RNF139: variants seen among roughly 807,000 people sequenced by gnomAD.
RNF139 encodes the protein E3 ubiquitin-protein ligase RNF139.
In RNF139, 15 loss-of-function variants were observed where a neutral mutation model predicts 49.5. The observed-to-expected ratio is 0.30, with a 90% CI of 0.20 to 0.47. The LOEUF is 0.47. Among genes scored for constraint, RNF139 ranks in the 20% least tolerant of loss-of-function variants. The probability of loss-of-function intolerance (pLI) is 1.00; values close to 1 mark genes in which losing one functional copy is unlikely to be tolerated. For synonymous variants in RNF139, 325 were observed against 300.9 expected, an observed-to-expected ratio of 1.08 and a Z score of -0.83; for missense variants, 619 against 806.3, an observed-to-expected ratio of 0.77 and a Z score of 2.81.
At chr8:124,482,236 A>G (rs546160022) in intron 1 of RNF139, among the ~76,000 whole-genome samples, 4 of 152,160 alleles carry the variant, frequency 2.6e-5, no homozygotes, top group Non-Finnish European at 5.9e-5. Flanking sequence ...TTCACTAGAA[A>G]TGTTTCTAAA....
At position 124,487,258 on chromosome 8, in the gene RNF139, G is replaced by A. The variant is rs1563632958; in HGVS notation, c.1609G>A (p.Gly537Arg). The change falls in exon 2 of 2, where the codon GGG (glycine) becomes AGG (arginine). Residue 537 changes from glycine (G) to arginine (R), a missense_variant. Transcript: ENST00000303545. ...KKINSLPEIK[G>R]SRLQEINDVC... Reference sequence around the variant, plus strand: ...AATTAATTCACTTCCTGAAATAAAAGGGAGCCGCTTACAAGAAATAAATGA... The same window carrying A: ...AATTAATTCACTTCCTGAAATAAAAAGGAGCCGCTTACAAGAAATAAATGA... 1 of 1,613,832 alleles carries A rather than the reference G, an allele frequency of 6.2e-7. No homozygotes were observed. The highest frequency in any genetic ancestry group is 2.2e-5 in the East Asian group (1 of 44,862).
chr8:124,480,917 A>G (rs533904325), intron 1 of RNF139, among the ~76,000 whole-genome samples: 11 of 151,786 alleles, frequency 7.2e-5, no homozygotes, highest in Non-Finnish European at 1.5e-4. Context: ...AAATATTAAT[A>G]TTTTTTTTAT....
intron 1 of RNF139, among the ~76,000 whole-genome samples, chr8:124,475,564 GT>G (rs940629999): frequency 3.3e-5 from 5 of 152,218 alleles, no homozygotes; most frequent in Non-Finnish European, 5.9e-5. Flanking sequence ...CTCTTTGCCC[GT>G]TTGCCTTGGG....
rs1816600655 is a variant in RNF139 at position 124,488,524 on chromosome 8, T to C, written c.*880T>C. ...TTAGACAACTTGCAGATAATTTCTT[T>C]ATTGAAACTATCAGGAAGTTTTACT... On this transcript the variant is annotated 3_prime_UTR_variant, in exon 2 of 2. Transcript: ENST00000303545. 2.6e-6 allele frequency: 2 copies of C among 775,790 alleles called. No individual in the cohort carries two copies. The highest frequency in any genetic ancestry group is 1.8e-5 in the African/African-American group (1 of 56,622). The allele number at this position is 775,790 out of a possible 1,614,324, so 48.1% of individuals were successfully genotyped here. A position where few individuals can be genotyped will look rare whatever the true frequency, so the allele number is the denominator to read the frequency against.
intron 1 of RNF139, among the ~76,000 whole-genome samples, chr8:124,485,027 G>A (rs1816505158): frequency 1.3e-5 from 2 of 152,108 alleles, no homozygotes; most frequent in Non-Finnish European, 1.5e-5. Context: ...TTAAGTGGAA[G>A]TATAAAACTT....
rs775697082 is a variant in RNF139, at chr8:124,486,357, C to T, written c.708C>T (p.Asp236=). The T allele has an allele frequency of 1.2e-6, 2 of 1,614,150 alleles. No individual in the cohort carries two copies. Among genetic ancestry groups the T allele is most frequent in the Non-Finnish European group, 1.7e-6 (2 of 1,179,984 alleles). ...EDTWKRIRFP[D]ILRVFWLTRV... ...CATGGAAGAGGATTCGTTTCCCAGA[C>T]ATACTACGAGTCTTTTGGCTAACAA... The change falls in exon 2 of 2, where the codon GAC becomes GAT. Residue 236 remains aspartate, a synonymous_variant. Transcript: ENST00000303545.
At chr8:124,485,189 C>A (rs1192848874) in intron 1 of RNF139, among the ~76,000 whole-genome samples, 3 of 152,138 alleles carry the variant, frequency 2.0e-5, no homozygotes, top group Non-Finnish European at 4.4e-5. Context: ...CATGGTGAAA[C>A]CCCGTCTCTA....
At chr8:124,478,844 C>G (rs1586521398) in intron 1 of RNF139, among the ~76,000 whole-genome samples, 2 of 150,738 alleles carry the variant, frequency 1.3e-5, no homozygotes, top group South Asian at 4.2e-4. Flanking sequence ...CTCAGCCTCC[C>G]GAGTAGCTAG....
At position 124,488,569 on chromosome 8, in the gene RNF139, A is replaced by G. The variant is rs1816604447; in HGVS notation, c.*925A>G. Reference sequence around the variant, plus strand: ...TTTACTATGAAATTTTACATACATGATGGAAAGTGGAAGACATATACCAAT... The same window carrying G: ...TTTACTATGAAATTTTACATACATGGTGGAAAGTGGAAGACATATACCAAT... On this transcript the variant is annotated 3_prime_UTR_variant, in exon 2 of 2. Transcript: ENST00000303545. 8.4e-7 allele frequency: 1 copy of G among 1,196,100 alleles called. No homozygotes were observed. 74.1% of individuals were successfully genotyped at this position (1,196,100 alleles called of 1,614,324 possible).
In RNF139 at chr8:124,486,999, T is replaced by C. The variant is rs535068199; in HGVS notation, c.1350T>C (p.Tyr450=). 2 of 1,614,100 alleles carry C rather than the reference T, an allele frequency of 1.2e-6. No individual in the cohort carries two copies. The highest frequency in any genetic ancestry group is 1.3e-5 in the African/African-American group (1 of 75,048). The part of the protein sequence containing the change: ...VYTLFMIDGY[Y]NVLWEKLDDY... ...CGTTATTCATGATTGATGGCTACTATAATGTCCTCTGGGAAAAGCTTGACG... is the reference window on the plus strand; with the variant it reads ...CGTTATTCATGATTGATGGCTACTACAATGTCCTCTGGGAAAAGCTTGACG... Residue 450 remains tyrosine (Y), a synonymous_variant, in exon 2 of 2, where the codon TAT becomes TAC. Transcript: ENST00000303545.
At chr8:124,485,749 A>G (rs1816517233) in intron 1 of RNF139, 82 bp from the exon 2 acceptor site, 1 of 1,164,234 alleles carries the variant, frequency 8.6e-7, no homozygotes. Flanking sequence ...TTTCCTAATT[A>G]AAGGAAGAAT....
intron 1 of RNF139, 58 bp downstream of exon 1, chr8:124,475,348 G>C (rs1000922223): frequency 5.1e-6 from 8 of 1,553,682 alleles, no homozygotes; most frequent in Non-Finnish European, 7.0e-6. Flanking sequence ...GACGTTCCCC[G>C]GGGAGCGGGC....
At chr8:124,478,010 G>A (rs1489369208) in intron 1 of RNF139, among the ~76,000 whole-genome samples, 1 of 152,004 alleles carries the variant, frequency 6.6e-6, no homozygotes, top group East Asian at 1.9e-4. Context: ...AGTGATTCAC[G>A]TTCCAGTAAG....
At chr8:124,482,204 G>A (rs569855090) in intron 1 of RNF139, among the ~76,000 whole-genome samples, 12 of 151,808 alleles carry the variant, frequency 7.9e-5, no homozygotes, top group African/African-American at 2.7e-4. Flanking sequence ...TGATACATTT[G>A]CATAAAGCAA....
At position 124,488,478 on chromosome 8, in the gene RNF139, G is replaced by T; in HGVS notation, c.*834G>T. On this transcript the variant is annotated 3_prime_UTR_variant, in exon 2 of 2. Transcript: ENST00000303545. ...GAAGGGGAATGGTGGGGAATGGTGTGTACCGATATATAGTATTTCTTTAGA... is the reference window on the plus strand; with the variant it reads ...GAAGGGGAATGGTGGGGAATGGTGTTTACCGATATATAGTATTTCTTTAGA... 1.7e-6 allele frequency: 1 copy of T among 592,326 alleles called. No homozygotes were observed. Among genetic ancestry groups the T allele is most frequent in the Non-Finnish European group, 3.0e-6 (1 of 333,702 alleles). The allele number at this position is 592,326 out of a possible 1,614,324, so 36.7% of individuals were successfully genotyped here.
rs767929334 is a variant in RNF139 at position 124,486,365 on chromosome 8, G to C, written c.716G>C (p.Arg239Pro). The C allele has an allele frequency of 1.9e-6, 3 of 1,613,962 alleles. No individual in the cohort carries two copies. The highest frequency in any genetic ancestry group is 1.1e-5 in the South Asian group (1 of 91,080). The change falls in exon 2 of 2, where the codon CGA becomes CCA. Residue 239 changes from arginine to proline, a missense_variant. By Grantham distance (103) the Arg-to-Pro change is moderately radical. Transcript: ENST00000303545. The part of the protein sequence containing the change: ...WKRIRFPDIL[R>P]VFWLTRVTAQ... ...AGGATTCGTTTCCCAGACATACTAC[G>C]AGTCTTTTGGCTAACAAGAGTTACA...
intron 1 of RNF139, among the ~76,000 whole-genome samples, chr8:124,480,925 T>A (rs1563630376): frequency 6.6e-6 from 1 of 152,180 alleles, no homozygotes; most frequent in Admixed American, 6.5e-5. Flanking sequence ...ATATTTTTTT[T>A]ATGATATCAC....
In RNF139 at chr8:124,487,305, T is replaced by C; in HGVS notation, c.1656T>C (p.His552=). Residue 552 remains histidine, a synonymous_variant, in exon 2 of 2, where the codon CAT becomes CAC. Transcript: ENST00000303545. Reference sequence around the variant, plus strand: ...ATGATGTATGTGCAATCTGCTATCATGAGTTTACAACATCTGCTCGTATTA... The same window carrying C: ...ATGATGTATGTGCAATCTGCTATCACGAGTTTACAACATCTGCTCGTATTA... ...EINDVCAICY[H]EFTTSARITP... 2 of 1,614,110 alleles carry C rather than the reference T, an allele frequency of 1.2e-6. No homozygotes were observed. Among genetic ancestry groups the C allele is most frequent in the Non-Finnish European group, 1.7e-6 (2 of 1,179,980 alleles).
rs1170324470 is a variant in RNF139 at position 124,487,247 on chromosome 8, C to T, written c.1598C>T (p.Pro533Leu). 24 of 1,613,732 alleles carry T rather than the reference C, an allele frequency of 1.5e-5. No homozygotes were observed. The highest frequency in any genetic ancestry group is 1.9e-5 in the Non-Finnish European group (23 of 1,179,914). ...GCTGTGAAGAAAATTAATTCACTTC[C>T]TGAAATAAAAGGGAGCCGCTTACAA... ...RTAVKKINSL[P>L]EIKGSRLQEI... The change falls in exon 2 of 2, where the codon CCT (proline) becomes CTT (leucine). Residue 533 changes from proline (P) to leucine (L), a missense_variant. Physicochemically the swap from Pro to Leu is moderately conservative, Grantham distance 98 (BLOSUM62 -3). Transcript: ENST00000303545.
Sources: gnomAD v4.1 joint callset for allele counts (sites outside exome capture counted in the v4.1 genomes callset) on GRCh38, gnomAD v4.1.1 for gene constraint, MANE v1.5 for transcripts, NCBI Gene and HGNC (gene_info 2026-07-23, HGNC 2026-07-21) for gene names.